Variants in PLXNB3 observed in about 807,000 individuals in gnomAD.
PLXNB3 encodes the protein plexin-B3.
Under a neutral mutation model 125.7 loss-of-function variants are expected in PLXNB3, and 80 were observed. The observed-to-expected ratio is 0.64, with a 90% CI of 0.53 to 0.77. The LOEUF is 0.77. PLXNB3 is among the 30% of genes least tolerant of loss of function. The pLI is 0.00. For missense variants in PLXNB3, 1,836 were observed against 1,729.3 expected, an observed-to-expected ratio of 1.06 and a Z score of -1.09; for synonymous variants, 954 against 783.3, an observed-to-expected ratio of 1.22 and a Z score of -3.64.
intron 30 of PLXNB3, 49 bp downstream of exon 30, chrX:153,777,429 C>A: frequency 8.5e-7 from 1 of 1,178,529 alleles, no homozygotes; most frequent in Non-Finnish European, 1.1e-6. Context: ...CAGCCAGGGA[C>A]CCCGACCGAG....
chrX:153,765,957 G>A (rs2091852752), intron 2 of PLXNB3: 2 of 754,532 alleles, frequency 2.7e-6, no homozygotes, highest in Non-Finnish European at 1.6e-6. Flanking sequence ...ACCATCTCCA[G>A]TCTGGCACCC....
Position 153,774,917 on chromosome X carries a change from G to A in PLXNB3, c.3969G>A (p.Leu1323=). Residue 1323 remains leucine, a synonymous_variant, in exon 24 of 36, where the codon CTG becomes CTA. Transcript: ENST00000361971. ...AGATGACCGACCTCAGCAGCGACCT[G>A]GAGGGCAGCGGGATCCCCTTCCTGG... ...MTEMTDLSSD[L]EGSGIPFLDY... The A allele has an allele frequency of 8.4e-7, 1 of 1,189,775 alleles. No homozygotes were observed.
intron 1 of PLXNB3, 66 bp from the exon 2 acceptor site, chrX:153,765,405 C>T (rs945091035): frequency 3.3e-5 from 29 of 886,131 alleles, no homozygotes; most frequent in East Asian, 1.0e-4. Flanking sequence ...CCACCCCCAC[C>T]GCCGCCCCTC....
At chrX:153,772,123 G>GGGTGGAGAAGGTGCGCTCCGTAGCAGCT in intron 15 of PLXNB3, 59 bp from the exon 16 acceptor site, 1 of 1,138,430 alleles carries the variant, frequency 8.8e-7, no homozygotes. Context: ...GTCAGGGGAG[G>GGGTGGAGAAGGTGCGCTCCGTAGCAGCT]GGTGGGCTGT....
At chrX:153,775,178 G>A (rs369084656) in intron 24 of PLXNB3, 47 bp from the exon 25 acceptor site, 10 of 1,151,861 alleles carry the variant, frequency 8.7e-6, no homozygotes, top group South Asian at 4.1e-5. Context: ...AGACAAAGGT[G>A]GGGGAGGAGT....
chrX:153,769,208 C>T lies in PLXNB3; in HGVS notation c.1442C>T (p.Ala481Val). ...VAACPQFPDC[A>V]SCLQAQDPLC... Reference sequence around the variant, plus strand: ...GCCTGCCCCCAGTTCCCTGACTGTGCCAGCTGCCTCCAGGCCCAGGACCCG... The same window carrying T: ...GCCTGCCCCCAGTTCCCTGACTGTGTCAGCTGCCTCCAGGCCCAGGACCCG... Residue 481 changes from alanine (A) to valine (V), a missense_variant, in exon 6 of 36, where the codon GCC (alanine) becomes GTC (valine). Ala to Val is a moderately conservative substitution (Grantham distance 64). Coordinates refer to ENST00000361971, the MANE Select transcript of PLXNB3 (RefSeq NM_005393.3). 12 of 1,179,129 alleles carry T rather than the reference C, an allele frequency of 1.0e-5. No individual in the cohort carries two copies. The highest frequency in any genetic ancestry group is 1.4e-5 in the Non-Finnish European group (12 of 878,925).
chrX:153,775,769 G>T, intron 26 of PLXNB3, 109 bp downstream of exon 26: 1 of 1,092,338 alleles, frequency 9.2e-7, no homozygotes, highest in Non-Finnish European at 1.2e-6. Context: ...CGGCAAGGGG[G>T]GCTTTGGAAA....
intron 6 of PLXNB3, among the ~76,000 whole-genome samples, 154 bp downstream of exon 6, chrX:153,769,416 C>G (rs782203386): frequency 1.2e-4 from 13 of 112,484 alleles, no homozygotes; most frequent in Admixed American, 2.8e-4. Context: ...CCCCATCTCA[C>G]TGAGCCGTCA....
chrX:153,769,970 G>A (rs782630622), intron 7 of PLXNB3, 31 bp downstream of exon 7: 1 of 1,197,476 alleles, frequency 8.4e-7, no homozygotes. Context: ...GGGCCCTCTG[G>A]GCAGCATGAC....
rs2091954523 is a variant in PLXNB3 at position 153,773,425 on chromosome X, G to A, written c.3083+19G>A. Reference sequence around the variant, plus strand: ...TCCGGGGGTGAGGGTCAGCCCGCAGGCCAGCCTGTGCACCACGCAGGAGGG... The same window carrying A: ...TCCGGGGGTGAGGGTCAGCCCGCAGACCAGCCTGTGCACCACGCAGGAGGG... On this transcript the variant is annotated intron_variant, in intron 18 of 35. Transcript: ENST00000361971. 5.9e-6 allele frequency: 7 copies of A among 1,192,987 alleles called. No individual in the cohort carries two copies. The highest frequency in any genetic ancestry group is 7.9e-6 in the Non-Finnish European group (7 of 885,039).
In PLXNB3 at chrX:153,778,631, C is replaced by A; in HGVS notation, c.5582C>A (p.Ala1861Asp). The A allele has an allele frequency of 8.3e-7, 1 of 1,205,625 alleles. No homozygotes were observed. Among genetic ancestry groups the A allele is most frequent in the Non-Finnish European group, 1.1e-6 (1 of 891,836 alleles). The change falls in exon 35 of 36, where the codon GCT becomes GAT. Residue 1861 changes from alanine (A) to aspartate (D), a missense_variant. Coordinates refer to ENST00000361971, the MANE Select transcript of PLXNB3 (RefSeq NM_005393.3). ...NYTSAPHCLE[A>D]LQELYNHIHR... Reference sequence around the variant, plus strand: ...ACTTCTGCTCCCCACTGTCTGGAGGCTCTGCAAGAACTCTACAACCACATC... The same window carrying A: ...ACTTCTGCTCCCCACTGTCTGGAGGATCTGCAAGAACTCTACAACCACATC...
Position 153,774,748 on chromosome X carries a change from A to G in PLXNB3, c.3873A>G (p.Leu1291=), listed in dbSNP as rs1246996380. ...KQALRDYQKV[L]VQLESLETGV... ...CCCTGCGGGACTACCAGAAGGTGCT[A>G]GTGCAGCTGGAGAGCCTGGAGACCG... is the stretch of plus-strand genomic sequence containing the variant. The change falls in exon 23 of 36, where the codon CTA becomes CTG. Residue 1291 remains leucine (L), a synonymous_variant. Coordinates refer to ENST00000361971, the MANE Select transcript of PLXNB3 (RefSeq NM_005393.3). 5.0e-6 allele frequency: 6 copies of G among 1,195,110 alleles called. No individual in the cohort carries two copies. The highest frequency in any genetic ancestry group is 2.2e-5 in the Admixed American group (1 of 44,661).
rs782360864 is a variant in PLXNB3 at position 153,771,046 on chromosome X, G to A, written c.2218G>A (p.Gly740Arg). The change falls in exon 12 of 36, where the codon GGG becomes AGG. Residue 740 changes from glycine (G) to arginine (R), a missense_variant. Gly to Arg is a moderately radical substitution (Grantham distance 125). Transcript: ENST00000361971. ...GCCGGCCACCCTGGAGGAGACAGCAGGGGATTCAGGCCTCATCCACTGCCA... is the reference window on the plus strand; with the variant it reads ...GCCGGCCACCCTGGAGGAGACAGCAAGGGATTCAGGCCTCATCCACTGCCA... Reference protein sequence around the residue: ...GLPATLEETAGDSGLIHCQAH... With the variant: ...GLPATLEETARDSGLIHCQAH... 3.3e-6 allele frequency: 4 copies of A among 1,209,636 alleles called. No homozygotes were observed. The highest frequency in any genetic ancestry group is 4.5e-6 in the Non-Finnish European group (4 of 894,975).
Position 153,777,340 on chromosome X carries a change from C to G in PLXNB3, c.5060C>G (p.Ala1687Gly), listed in dbSNP as rs1161484014. Residue 1687 changes from alanine (A) to glycine (G), a missense_variant, in exon 30 of 36, where the codon GCC becomes GGC. Coordinates refer to ENST00000361971, the MANE Select transcript of PLXNB3 (RefSeq NM_005393.3). ...GAGCGCGAGCCAGCAAGGGCCAAGG[C>G]CATTCCGGAAATCTACCTCACCCGT... is the stretch of plus-strand genomic sequence containing the variant. ...LREREPARAK[A>G]IPEIYLTRLL... 10 of 1,203,598 alleles carry G rather than the reference C, an allele frequency of 8.3e-6. No homozygotes were observed. In the African/African-American group the frequency reaches 1.7e-4, roughly 21 times the overall value.
At position 153,774,115 on chromosome X, in the gene PLXNB3, ACCCTG is replaced by A; in HGVS notation, c.3519+21_3519+25del. The stretch of plus-strand genomic sequence containing the variant: ...GATGTGGAGGTGAGGGCCACCTTCA[ACCCTG>A]CCCCGCCACGGTGCTCAGGCCGCCT... On this transcript the variant is annotated intron_variant, in intron 20 of 35. Transcript: ENST00000361971. The A allele has an allele frequency of 8.5e-7, 1 of 1,183,302 alleles. No individual in the cohort carries two copies. Among genetic ancestry groups the A allele is most frequent in the South Asian group, 1.8e-5 (1 of 54,215 alleles).
Position 153,765,462 on chromosome X carries a change from C to T in PLXNB3, c.-65-9C>T. 1.8e-6 allele frequency: 2 copies of T among 1,124,666 alleles called. No individual in the cohort carries two copies. Among genetic ancestry groups the T allele is most frequent in the Non-Finnish European group, 2.4e-6 (2 of 834,775 alleles). 92.7% of individuals were successfully genotyped at this position (1,124,666 alleles called of 1,213,427 possible). A position where few individuals can be genotyped will look rare whatever the true frequency, so the allele number is the denominator to read the frequency against. On this transcript the variant is annotated splice_polypyrimidine_tract_variant and intron_variant, in intron 1 of 35. Coordinates refer to ENST00000361971, the MANE Select transcript of PLXNB3 (RefSeq NM_005393.3). Reference sequence around the variant, plus strand: ...GGGGCTGAGCCTCGACTGTCTCCCTCCCACTCAGGACAATGCCCCCCCGCA... The same window carrying T: ...GGGGCTGAGCCTCGACTGTCTCCCTTCCACTCAGGACAATGCCCCCCCGCA...
intron 6 of PLXNB3, among the ~76,000 whole-genome samples, 193 bp downstream of exon 6, chrX:153,769,455 C>T (rs968275535): frequency 8.9e-5 from 10 of 112,382 alleles, no homozygotes; most frequent in Admixed American, 2.8e-4. Context: ...TTTTCCGACA[C>T]CACCCGGCCT....
At chrX:153,775,847 TC>T in intron 26 of PLXNB3, 39 bp from the exon 27 acceptor site, 2 of 1,171,337 alleles carry the variant, frequency 1.7e-6, no homozygotes, top group Non-Finnish European at 2.3e-6. Context: ...TCATCAATCC[TC>T]CCTCGCTTGG....
At position 153,770,447 on chromosome X, in the gene PLXNB3, G is replaced by A. The variant is rs782150358; in HGVS notation, c.1895+1G>A. 17 of 1,204,236 alleles carry A rather than the reference G, an allele frequency of 1.4e-5. No homozygotes were observed. The highest frequency in any genetic ancestry group is 3.5e-5 in the African/African-American group (2 of 57,510). On this transcript the variant is annotated splice_donor_variant, in intron 9 of 35. Coordinates refer to ENST00000361971, the MANE Select transcript of PLXNB3 (RefSeq NM_005393.3). LOFTEE classifies it high-confidence loss of function. ...TCCAGGCCTTGGAGGCGGCTGCCCC[G>A]TGAGTCCCTGGGCCTGCCTCCTGGG...
Sources: allele counts gnomAD v4.1 joint callset (sites outside exome capture counted in the v4.1 genomes callset), GRCh38; gene constraint gnomAD v4.1.1; transcripts MANE v1.5; gene names NCBI Gene and HGNC (gene_info 2026-07-23, HGNC 2026-07-21).